Variants in NOL4L observed in about 807,000 individuals in gnomAD.
NOL4L encodes the protein nucleolar protein 4-like.
NOL4L carries 7 observed loss-of-function variants against 64.5 expected under a neutral mutation model. That is an observed-to-expected ratio of 0.11 (90% CI 0.06 to 0.20). NOL4L has a LOEUF of 0.20. NOL4L is among the 10% of genes least tolerant of loss of function. The pLI is 1.00. For synonymous variants in NOL4L, 413 were observed against 401.0 expected (o/e 1.03, Z -0.36); for missense variants, 680 against 967.1 (o/e 0.70, Z 3.94).
intron 4 of NOL4L, among the ~76,000 whole-genome samples, chr20:32,478,687 C>G (rs749359639): frequency 1.3e-5 from 2 of 152,186 alleles, no homozygotes; most frequent in South Asian, 2.1e-4. Context: ...ACTACAGCCT[C>G]GACCCCCCAG....
intron 4 of NOL4L, among the ~76,000 whole-genome samples, chr20:32,510,823 T>G (rs918331448): frequency 1.3e-5 from 2 of 152,110 alleles, no homozygotes; most frequent in African/African-American, 2.4e-5. Flanking sequence ...GAGTTTCTTT[T>G]CATAGCCTGT....
At position 32,445,518 on chromosome 20, in the gene NOL4L, C is replaced by CTGAT. The variant is rs1164154560; in HGVS notation, c.*2074_*2077dup. The CTGAT allele has an allele frequency of 2.6e-5, 4 of 152,300 alleles. No individual in the cohort carries two copies. The East Asian group carries it at 7.7e-4, about 29-fold the overall frequency. 9.4% of individuals were successfully genotyped at this position (152,300 alleles called of 1,614,324 possible). On this transcript the variant is annotated 3_prime_UTR_variant, in exon 11 of 11. Transcript: ENST00000621426. ...GGTAACATTTTTGCAAAAGATCTTA[C>CTGAT]TGATTACTTTGTAGTATTGTTCACA... is the stretch of plus-strand genomic sequence containing the variant.
intron 4 of NOL4L, chr20:32,485,908 TC>T (rs2145505575): frequency 2.6e-6 from 1 of 385,310 alleles, no homozygotes; most frequent in East Asian, 7.5e-5. Context: ...CAACTGAAGT[TC>T]AAAGGTGGAA....
At chr20:32,467,609 G>C (rs1306430472) in intron 5 of NOL4L, among the ~76,000 whole-genome samples, 1 of 152,182 alleles carries the variant, frequency 6.6e-6, no homozygotes, top group Non-Finnish European at 1.5e-5. Flanking sequence ...GGTGCGCAGG[G>C]CTCAGAGAAT....
chr20:32,504,057 T>C (rs931701022), intron 4 of NOL4L, among the ~76,000 whole-genome samples: 2 of 152,182 alleles, frequency 1.3e-5, no homozygotes, highest in Non-Finnish European at 2.9e-5. Flanking sequence ...TATGTTACTT[T>C]ATGTAATTTA....
chr20:32,493,144 G>A lies in NOL4L; in HGVS notation c.699+18203C>T, dbSNP rs1600750599. ...AGGAGGCTGGCCTTGGAAGCCTGAAGGGATGAAACTCTAGCTGGCTCTCCG... is the reference window on the plus strand; with the variant it reads ...AGGAGGCTGGCCTTGGAAGCCTGAAAGGATGAAACTCTAGCTGGCTCTCCG... On this transcript the variant is annotated intron_variant, in intron 4 of 10. Coordinates refer to ENST00000621426, the MANE Select transcript of NOL4L (RefSeq NM_001256798.2). Among the ~76,000 whole-genome samples the A allele has an allele frequency of 1.3e-5, 2 of 152,334 alleles. 1 individual carries two copies. Among genetic ancestry groups the A allele is most frequent in the Middle Eastern group, 6.8e-3 (2 of 294 alleles).
chr20:32,553,923 A>G (rs972137124), intron 1 of NOL4L, among the ~76,000 whole-genome samples: 15 of 152,360 alleles, frequency 9.8e-5, no homozygotes, highest in African/African-American at 3.4e-4. Context: ...CCACAGGGGA[A>G]AGTGGGTAAG....
At chr20:32,499,711 C>G (rs183340821) in intron 4 of NOL4L, among the ~76,000 whole-genome samples, 4 of 135,444 alleles carry the variant, frequency 3.0e-5, no homozygotes, top group African/African-American at 1.2e-4. Context: ...TGCACTCTAG[C>G]CTGGGCAACA....
chr20:32,477,128 G>C (rs754387232), intron 4 of NOL4L, among the ~76,000 whole-genome samples: 2 of 152,154 alleles, frequency 1.3e-5, no homozygotes, highest in Non-Finnish European at 2.9e-5. Context: ...CACTCAATAC[G>C]CACACTCTGG....
intron 5 of NOL4L, among the ~76,000 whole-genome samples, chr20:32,457,036 G>C (rs2145438173): frequency 6.6e-6 from 1 of 152,360 alleles, no homozygotes; most frequent in East Asian, 1.9e-4. Context: ...GACGTGCAAA[G>C]CCGGGGCTGC....
In NOL4L at chr20:32,567,078, T is replaced by C. The variant is rs143919189; in HGVS notation, c.321+17492A>G. ...GCCCTGGGCATCTGTCCCCTCTCTT[T>C]ACTGGCATGGAATCAGCTTGGCTTT... is the stretch of plus-strand genomic sequence containing the variant. On this transcript the variant is annotated intron_variant, in intron 1 of 10. Transcript: ENST00000621426. 1.4e-3 allele frequency among the ~76,000 whole-genome samples: 220 copies of C among 152,310 alleles called. 2 individuals are homozygous for C. The Middle Eastern group carries it at 0.02, about 14-fold the overall frequency.
chr20:32,509,676 C>A (rs1048397232), intron 4 of NOL4L: 17 of 1,071,158 alleles, frequency 1.6e-5, no homozygotes, highest in African/African-American at 3.3e-5. Context: ...TAACTCCCCT[C>A]CTTCCATTGA....
At chr20:32,558,926 C>T (rs929765447) in intron 1 of NOL4L, among the ~76,000 whole-genome samples, 19 of 152,250 alleles carry the variant, frequency 1.2e-4, no homozygotes, top group African/African-American at 4.3e-4. Context: ...GCGGAGGGGC[C>T]GCCGAGAACC....
rs568798099 is a variant in NOL4L at position 32,560,882 on chromosome 20, G to A, written c.321+23688C>T. On this transcript the variant is annotated intron_variant, in intron 1 of 10. Transcript: ENST00000621426. Reference sequence around the variant, plus strand: ...ACCCAGTAGGAGCTTAGCCAGCATCGGCCACAAGAACACTGGGCATTCTCA... The same window carrying A: ...ACCCAGTAGGAGCTTAGCCAGCATCAGCCACAAGAACACTGGGCATTCTCA... 2.2e-4 allele frequency among the ~76,000 whole-genome samples: 33 copies of A among 152,352 alleles called. 1 individual carries two copies. The East Asian group carries it at 4.8e-3, about 22-fold the overall frequency.
Position 32,452,270 on chromosome 20 carries a change from G to A in NOL4L, c.1788C>T (p.Pro596=). 6.3e-7 allele frequency: 1 copy of A among 1,588,946 alleles called. No individual in the cohort carries two copies. Among genetic ancestry groups the A allele is most frequent in the Non-Finnish European group, 8.6e-7 (1 of 1,165,738 alleles). The change falls in exon 10 of 11, where the codon CCC becomes CCT. Residue 596 remains proline (P), a synonymous_variant. Coordinates refer to ENST00000621426, the MANE Select transcript of NOL4L (RefSeq NM_001256798.2). ...GGTTTCCTGTTTGGAGGGAGGCAGGGGGCTGCAGGTTGCTGCTCAAGGCCC... is the reference window on the plus strand; with the variant it reads ...GGTTTCCTGTTTGGAGGGAGGCAGGAGGCTGCAGGTTGCTGCTCAAGGCCC... The part of the protein sequence containing the change: ...GYGALSSNLQ[P]PASLQTGNHS...
At chr20:32,562,957 T>G (rs186194826) in intron 1 of NOL4L, among the ~76,000 whole-genome samples, 28 of 772 alleles carry the variant, frequency 0.036, no homozygotes, top group Admixed American at 0.058. Context: ...GGAGGGAGGG[T>G]GGGGAGGGAG....
intron 1 of NOL4L, among the ~76,000 whole-genome samples, chr20:32,549,714 T>C (rs531241188): frequency 8.5e-5 from 13 of 152,248 alleles, no homozygotes; most frequent in Admixed American, 7.9e-4. Context: ...GATCGCGCCA[T>C]TGCACTCTAG....
At chr20:32,529,962 A>T (rs2018283407) in intron 1 of NOL4L, among the ~76,000 whole-genome samples, 1 of 151,630 alleles carries the variant, frequency 6.6e-6, no homozygotes, top group East Asian at 1.9e-4. Context: ...AATCAATTTT[A>T]CCTCTTTTGG....
chr20:32,543,618 CAAA>C (rs951409926), intron 1 of NOL4L, among the ~76,000 whole-genome samples: 1 of 133,602 alleles, frequency 7.5e-6, no homozygotes, highest in East Asian at 2.1e-4. Context: ...GACTCTGTCA[CAAA>C]AAAAAAAAGA....
Sources: gnomAD v4.1 joint callset for allele counts (sites outside exome capture counted in the v4.1 genomes callset) on GRCh38, gnomAD v4.1.1 for gene constraint, MANE v1.5 for transcripts, NCBI Gene and HGNC (gene_info 2026-07-23, HGNC 2026-07-21) for gene names.